OSBPL9: variants seen among roughly 807,000 people sequenced by gnomAD.
The protein encoded by OSBPL9 is oxysterol binding protein like 9.
OSBPL9 carries 40 observed loss-of-function variants against 106.6 expected under a neutral mutation model. The observed-to-expected ratio is 0.38, with a 90% CI of 0.29 to 0.49. OSBPL9 has a LOEUF of 0.49. Ranked by LOEUF, OSBPL9 falls within the 20% of genes least tolerant of loss-of-function variation. OSBPL9 has a pLI of 0.97. For missense variants in OSBPL9, 609 were observed against 887.2 expected (o/e 0.69, Z 3.98); for synonymous variants, 269 against 295.4 (o/e 0.91, Z 0.92).
At chr1:51,747,362 A>G (rs1668204857) in intron 6 of OSBPL9, among the ~76,000 whole-genome samples, 1 of 152,238 alleles carries the variant, frequency 6.6e-6, no homozygotes, top group Non-Finnish European at 1.5e-5. Flanking sequence ...AGTTGGTTAC[A>G]TATGGTCACT....
chr1:51,737,694 T>C (rs914453617), intron 4 of OSBPL9, among the ~76,000 whole-genome samples: 2 of 152,066 alleles, frequency 1.3e-5, no homozygotes, highest in Admixed American at 6.5e-5. Context: ...TCAGTTAATA[T>C]TAACTGCATT....
At chr1:51,519,292 A>T in the OSBPL9 span, 2 of 339,032 alleles carry the variant, frequency 5.9e-6, no homozygotes, top group Non-Finnish European at 7.7e-6. Flanking sequence ...CGGGGCGGGG[A>T]GGAGGCGGAG....
At chr1:51,760,325 C>T in intron 9 of OSBPL9, 1 of 221,674 alleles carries the variant, frequency 4.5e-6, no homozygotes, top group Non-Finnish European at 9.0e-6. Context: ...GTGTAACTCA[C>T]CAAAAGTGAA....
At chr1:51,784,670 G>C in intron 20 of OSBPL9, 88 bp downstream of exon 20, 1 of 1,424,594 alleles carries the variant, frequency 7.0e-7, no homozygotes, top group Non-Finnish European at 9.6e-7. Flanking sequence ...TTAGGAGTGT[G>C]AAAGAATGGT....
At position 51,754,181 on chromosome 1, in the gene OSBPL9, C is replaced by T. The variant is rs181845452; in HGVS notation, c.544-2139C>T. Among the ~76,000 whole-genome samples the T allele has an allele frequency of 8.1e-4, 124 of 152,312 alleles. 2 individuals are homozygous for T. Among genetic ancestry groups the T allele is most frequent in the African/African-American group, 2.8e-3 (117 of 41,562 alleles). On this transcript the variant is annotated intron_variant, in intron 8 of 23. Coordinates refer to ENST00000428468, the MANE Select transcript of OSBPL9 (RefSeq NM_024586.6). ...CCAGTATCACAGTCAGGTGATGTGA[C>T]CACATACCACAACTCAGAATGCCTG...
rs556314969 is a variant in OSBPL9, at chr1:51,658,216, G to A, written c.162+6175G>A. ...CCACATTCTGGCGTTGTGACTTGAGGCAACTTTTCAGCTCTGAGCCCTATT... is the reference window on the plus strand; with the variant it reads ...CCACATTCTGGCGTTGTGACTTGAGACAACTTTTCAGCTCTGAGCCCTATT... On this transcript the variant is annotated intron_variant, in intron 2 of 23. Coordinates refer to ENST00000428468, the MANE Select transcript of OSBPL9 (RefSeq NM_024586.6). 2.0e-5 allele frequency among the ~76,000 whole-genome samples: 3 copies of A among 152,188 alleles called. No individual in the cohort carries two copies. In the East Asian group the frequency reaches 5.8e-4, roughly 29 times the overall value.
At chr1:51,653,173 TA>T (rs1275238499) in intron 2 of OSBPL9, among the ~76,000 whole-genome samples, 2 of 152,038 alleles carry the variant, frequency 1.3e-5, no homozygotes, top group Non-Finnish European at 2.9e-5. Context: ...CAAAGATTTT[TA>T]AAAATTCAAC....
chr1:51,617,117 T>A lies in OSBPL9; in HGVS notation c.7T>A (p.Ser3Thr). The part of the protein sequence containing the change: MA[S>T]IMEGPLSKWT... ...GTCATTGGCGGCTCCCAAGATGGCG[T>A]CCATCATGGAAGGGCCGCTGAGCAA... The change falls in exon 1 of 24, where the codon TCC becomes ACC. Residue 3 changes from serine to threonine, a missense_variant. Ser to Thr is a moderately conservative substitution (Grantham distance 58). Around this residue, in one of 5 missense-constraint regions of OSBPL9, gnomAD observed 30 missense variants for 21.8 expected, o/e 1.37. Transcript: ENST00000428468. 1 of 1,582,286 alleles carries A rather than the reference T, an allele frequency of 6.3e-7. No individual in the cohort carries two copies. The highest frequency in any genetic ancestry group is 8.6e-7 in the Non-Finnish European group (1 of 1,161,480).
intron 21 of OSBPL9, chr1:51,786,158 A>G: frequency 2.1e-6 from 1 of 478,878 alleles, no homozygotes; most frequent in South Asian, 2.7e-5. Flanking sequence ...ATGTAAAACA[A>G]TGCCTGGCAC....
At chr1:51,664,977 G>GT (rs1282100356) in intron 2 of OSBPL9, among the ~76,000 whole-genome samples, 2 of 152,186 alleles carry the variant, frequency 1.3e-5, no homozygotes, top group Admixed American at 1.3e-4. Context: ...ACTATTTACT[G>GT]TGGTTTAGTG....
intron 7 of OSBPL9, among the ~76,000 whole-genome samples, chr1:51,748,884 C>A (rs1668604334): frequency 1.3e-5 from 2 of 151,952 alleles, no homozygotes; most frequent in South Asian, 4.1e-4. Flanking sequence ...TTGGGAGTTC[C>A]AGACCAGACT....
the OSBPL9 span, chr1:51,518,504 T>C: frequency 4.2e-4 from 65 of 152,990 alleles, 1 homozygote; most frequent in African/African-American, 7.0e-4. Context: ...AAAGGCTGCA[T>C]TGGGGGTCTG....
In OSBPL9 at chr1:51,772,138, C is replaced by T. The variant is rs1202887657; in HGVS notation, c.1007C>T (p.Thr336Ile). Residue 336 changes from threonine (T) to isoleucine (I), a missense_variant, in exon 13 of 24, where the codon ACA (threonine) becomes ATA (isoleucine). By Grantham distance (89) the Thr-to-Ile change is moderately conservative. Coordinates refer to ENST00000428468, the MANE Select transcript of OSBPL9 (RefSeq NM_024586.6). ...AATAGTCTAAAACGCCCAGATACCACAGAATCACTTAATTCTTCCTTGTCC... is the reference window on the plus strand; with the variant it reads ...AATAGTCTAAAACGCCCAGATACCATAGAATCACTTAATTCTTCCTTGTCC... ...SGNSLKRPDTTESLNSSLSNG... is the reference protein window; with the variant it reads ...SGNSLKRPDTIESLNSSLSNG... The T allele has an allele frequency of 3.7e-6, 6 of 1,614,010 alleles. No homozygotes were observed. The highest frequency in any genetic ancestry group is 2.5e-6 in the Non-Finnish European group (3 of 1,179,862).
chr1:51,772,284 G>A (rs1336130896), intron 13 of OSBPL9, 102 bp downstream of exon 13: 1 of 928,506 alleles, frequency 1.1e-6, no homozygotes, highest in African/African-American at 1.7e-5. Context: ...GACCGAGGTG[G>A]GCAGATCACT....
chr1:51,622,530 T>C (rs1644505003), intron 1 of OSBPL9, among the ~76,000 whole-genome samples: 1 of 152,194 alleles, frequency 6.6e-6, no homozygotes, highest in Admixed American at 6.5e-5. Context: ...TATGAAGTTG[T>C]AGTCAATATA....
chr1:51,739,430 G>A (rs1476627128), intron 4 of OSBPL9, among the ~76,000 whole-genome samples: 2 of 151,856 alleles, frequency 1.3e-5, no homozygotes, highest in Non-Finnish European at 2.9e-5. Flanking sequence ...TGCTTACTTA[G>A]CATTACAGAA....
chr1:51,669,593 T>G lies in OSBPL9; in HGVS notation c.241+81T>G, dbSNP rs1438898262. 2.2e-6 allele frequency: 3 copies of G among 1,354,670 alleles called. No homozygotes were observed. In the African/African-American group the frequency reaches 4.4e-5, roughly 20 times the overall value. 83.9% of individuals were successfully genotyped at this position (1,354,670 alleles called of 1,614,324 possible). ...TCTTTTGGGTTGTTTGCTGGATGAC[T>G]TGAATGGTTTTGCAACTGATCCTGC... is the stretch of plus-strand genomic sequence containing the variant. On this transcript the variant is annotated intron_variant, in intron 3 of 23. Coordinates refer to ENST00000428468, the MANE Select transcript of OSBPL9 (RefSeq NM_024586.6).
chr1:51,661,420 A>G (rs77765695), intron 2 of OSBPL9, among the ~76,000 whole-genome samples: 2 of 151,308 alleles, frequency 1.3e-5, no homozygotes, highest in Non-Finnish European at 2.9e-5. Flanking sequence ...GTGTGTATAG[A>G]AAAAAAACGA....
chr1:51,647,521 CT>C (rs1646241082), intron 1 of OSBPL9, among the ~76,000 whole-genome samples: 1 of 152,152 alleles, frequency 6.6e-6, no homozygotes, highest in Non-Finnish European at 1.5e-5. Context: ...AACTCACCAT[CT>C]GGGCCTGCGC....
Sources: gnomAD v4.1 joint callset for allele counts (sites outside exome capture counted in the v4.1 genomes callset) on GRCh38, gnomAD v4.1.1 for gene constraint, gnomAD v4.1.1 regional missense constraint, MANE v1.5 for transcripts, NCBI Gene and HGNC (gene_info 2026-07-23, HGNC 2026-07-21) for gene names.